The following CASK variants were observed in gnomAD, a reference collection of about 807,000 sequenced individuals.
CASK encodes the protein peripheral plasma membrane protein CASK.
Under a neutral mutation model 82.9 loss-of-function variants are expected in CASK, and 4 were observed. That is an observed-to-expected ratio of 0.05 (90% confidence interval 0.02 to 0.11). The LOEUF is 0.11. CASK is among the 10% of genes least tolerant of loss of function. The probability of loss-of-function intolerance (pLI) is 1.00; values close to 1 mark genes in which losing one functional copy is unlikely to be tolerated. For synonymous variants in CASK, 259 were observed against 253.5 expected (o/e 1.02, Z -0.20); for missense variants, 358 against 720.9 (o/e 0.50, Z 5.76).
chrX:41,651,435 GA>G (rs1282739385), intron 8 of CASK, among the ~76,000 whole-genome samples: 2 of 112,185 alleles, frequency 1.8e-5, no homozygotes, highest in Non-Finnish European at 3.8e-5. Context: ...TTTTCTAGGG[GA>G]AATCAGGAAT....
intron 5 of CASK, among the ~76,000 whole-genome samples, chrX:41,702,892 G>T (rs1051582676): frequency 1.8e-5 from 2 of 112,072 alleles, no homozygotes; most frequent in Non-Finnish European, 3.8e-5. Flanking sequence ...AAACATGTAC[G>T]ATAATCCAGA....
At chrX:41,806,274 C>T (rs1226739594) in intron 2 of CASK, among the ~76,000 whole-genome samples, 1 of 111,916 alleles carries the variant, frequency 8.9e-6, no homozygotes, top group Non-Finnish European at 1.9e-5. Flanking sequence ...ACTTCTCTGC[C>T]TCACACTTTA....
intron 2 of CASK, among the ~76,000 whole-genome samples, chrX:41,810,902 G>A (rs1184232369): frequency 8.1e-5 from 9 of 110,602 alleles, no homozygotes; most frequent in African/African-American, 1.3e-4. Context: ...CCAAGCAAAT[G>A]GAAAACAAAA....
chrX:41,806,066 A>T (rs1268758758), intron 2 of CASK, among the ~76,000 whole-genome samples: 1 of 111,845 alleles, frequency 8.9e-6, no homozygotes, highest in African/African-American at 3.2e-5. Context: ...ATATTGGAGA[A>T]GAGTACAGAT....
At chrX:41,552,791 G>A (rs1293883029) in intron 21 of CASK, 3 of 111,618 alleles carry the variant, frequency 2.7e-5, no homozygotes, top group Middle Eastern at 4.2e-3. Context: ...AGCTGAAAGA[G>A]GCGATCAAGC....
At chrX:41,644,426 G>T (rs770370750) in intron 8 of CASK, among the ~76,000 whole-genome samples, 4 of 112,129 alleles carry the variant, frequency 3.6e-5, no homozygotes, top group African/African-American at 1.3e-4. Context: ...ATACCTTTGT[G>T]ATTTCCTATG....
At chrX:41,730,578 C>T (rs1288604563) in intron 5 of CASK, among the ~76,000 whole-genome samples, 1 of 111,390 alleles carries the variant, frequency 9.0e-6, no homozygotes, top group Admixed American at 9.6e-5. Context: ...AGGTGACCGC[C>T]CTGAATGCTA....
intron 11 of CASK, among the ~76,000 whole-genome samples, chrX:41,610,663 A>T: frequency 9.0e-6 from 1 of 111,703 alleles, no homozygotes; most frequent in Non-Finnish European, 1.9e-5. Context: ...AGGGACGCTG[A>T]CTGACACTTC....
intron 5 of CASK, among the ~76,000 whole-genome samples, chrX:41,738,069 G>C (rs1373513998): frequency 1.8e-5 from 2 of 113,092 alleles, no homozygotes; most frequent in Non-Finnish European, 3.7e-5. Context: ...GTGCCTCCTG[G>C]GTTCAAGCGA....
chrX:41,532,833 AG>A (rs1240257635), intron 24 of CASK, among the ~76,000 whole-genome samples: 2 of 111,390 alleles, frequency 1.8e-5, no homozygotes, highest in Non-Finnish European at 3.8e-5. Flanking sequence ...TTATTGAGAC[AG>A]GGTCTCACTC....
rs1457591489 is a variant in CASK, at chrX:41,593,557, C to T, written c.1156-3965G>A. ...CCAGAAATGTATGAAGGATTCAACC[C>T]TTTGGAGACCAGAGAGTAAGTAGTT... On this transcript the variant is annotated intron_variant, in intron 12 of 26. Coordinates refer to ENST00000378163, the MANE Select transcript of CASK (RefSeq NM_001367721.1). Among the ~76,000 whole-genome samples, 3 of 111,545 alleles carry T rather than the reference C, an allele frequency of 2.7e-5. No homozygotes were observed. The Admixed American group carries it at 2.9e-4, about 11-fold the overall frequency.
chrX:41,769,579 T>C (rs2069180357), intron 3 of CASK, among the ~76,000 whole-genome samples: 1 of 110,511 alleles, frequency 9.0e-6, no homozygotes, highest in Admixed American at 9.7e-5. Context: ...GCACTGAAAA[T>C]CTAAGCCTTA....
chrX:41,791,418 C>T (rs1179671757), intron 2 of CASK, among the ~76,000 whole-genome samples: 1 of 109,132 alleles, frequency 9.2e-6, no homozygotes, highest in Non-Finnish European at 1.9e-5. Context: ...TCCTGAGTTA[C>T]TTCACTTAGA....
intron 21 of CASK, among the ~76,000 whole-genome samples, chrX:41,545,477 G>T: frequency 8.9e-6 from 1 of 112,074 alleles, no homozygotes; most frequent in Non-Finnish European, 1.9e-5. Flanking sequence ...GTCCATTTAC[G>T]TATGAGAGTG....
rs1015594592 is a variant in CASK at position 41,518,037 on chromosome X, A to C, written c.*2383T>G. ...AGGACGTATAAAGCCACTGAGGATG[A>C]GTGCTACAGTGCTTGTGAATTGTGG... On this transcript the variant is annotated 3_prime_UTR_variant, in exon 27 of 27. Transcript: ENST00000378163. The C allele has an allele frequency of 2.3e-5, 7 of 307,366 alleles. No individual in the cohort carries two copies. In the Admixed American group the frequency reaches 3.5e-4, roughly 16 times the overall value. 25.3% of individuals were successfully genotyped at this position (307,366 alleles called of 1,213,427 possible). A position where few individuals can be genotyped will look rare whatever the true frequency, so the allele number is the denominator to read the frequency against.
chrX:41,711,373 T>C (rs1245910537), intron 5 of CASK, among the ~76,000 whole-genome samples: 1 of 112,099 alleles, frequency 8.9e-6, no homozygotes, highest in Admixed American at 9.4e-5. Flanking sequence ...TTTGTGAGTT[T>C]TGTTTTCCTT....
chrX:41,703,270 A>G lies in CASK; in HGVS notation c.430-31740T>C, dbSNP rs951383386. Among the ~76,000 whole-genome samples the G allele has an allele frequency of 2.0e-4, 22 of 112,110 alleles. No homozygotes were observed. In the Admixed American group the frequency reaches 2.0e-3, roughly 10 times the overall value. ...GATGTTAACATTTTCGTTTTACTTA[A>G]AAGTTTTTTCATACCCGTATACATC... On this transcript the variant is annotated intron_variant, in intron 5 of 26. Transcript: ENST00000378163.
chrX:41,847,873 A>T (rs1356556674), intron 2 of CASK, among the ~76,000 whole-genome samples: 6 of 111,902 alleles, frequency 5.4e-5, no homozygotes. Context: ...GGGAGTTCAC[A>T]TTTCTACCTT....
intron 9 of CASK, among the ~76,000 whole-genome samples, chrX:41,631,476 TTTTTG>T (rs1427124133): frequency 2.7e-5 from 3 of 111,495 alleles, no homozygotes; most frequent in Non-Finnish European, 3.8e-5. Context: ...TTCTTTTCTT[TTTTTG>T]TTTTGAGATA....
Sources: gnomAD v4.1 joint callset for allele counts (sites outside exome capture counted in the v4.1 genomes callset) on GRCh38, gnomAD v4.1.1 for gene constraint, MANE v1.5 for transcripts, NCBI Gene and HGNC (gene_info 2026-07-23, HGNC 2026-07-21) for gene names.